PLEKHG1: variants seen among roughly 807,000 people sequenced by gnomAD.
PLEKHG1 encodes the protein pleckstrin homology and RhoGEF domain containing G1, also known as pleckstrin homology domain-containing family G member 1.
In PLEKHG1, 44 loss-of-function variants were observed where a neutral mutation model predicts 100.8. The ratio of observed to expected loss-of-function variants is 0.44; its 90% CI spans 0.34 to 0.56. The LOEUF is 0.56. Among genes scored for constraint, PLEKHG1 ranks in the 20% least tolerant of loss-of-function variants. The pLI, the probability that PLEKHG1 is intolerant of heterozygous loss-of-function variation, is 0.01. For missense variants in PLEKHG1, 1,545 were observed against 1,720.9 expected (o/e 0.90, Z 1.81); for synonymous variants, 640 against 662.5 (o/e 0.97, Z 0.52).
At chr6:150,812,242 C>G (rs1264500259) in intron 10 of PLEKHG1, among the ~76,000 whole-genome samples, 1 of 152,106 alleles carries the variant, frequency 6.6e-6, no homozygotes, top group South Asian at 2.1e-4. Flanking sequence ...GAGACTCTTG[C>G]TAGAGGCAGT....
At chr6:150,642,308 A>ACT (rs1778303945) in intron 2 of PLEKHG1, among the ~76,000 whole-genome samples, 1 of 152,120 alleles carries the variant, frequency 6.6e-6, no homozygotes, top group Admixed American at 6.6e-5. Flanking sequence ...AAGCTCTTGA[A>ACT]CTCTATAAAA....
Position 150,794,464 on chromosome 6 carries a change from G to C in PLEKHG1, c.583-1392G>C, listed in dbSNP as rs189157443. Among the ~76,000 whole-genome samples the C allele has an allele frequency of 1.3e-3, 194 of 152,104 alleles. 1 individual carries two copies. Among genetic ancestry groups the C allele is most frequent in the African/African-American group, 4.6e-3 (189 of 41,508 alleles). ...GTGGATCACTTGAGGCCAGGAGTTC[G>C]AGACCAGCCTGACCAACATGGCGAA... is the stretch of plus-strand genomic sequence containing the variant. On this transcript the variant is annotated intron_variant, in intron 4 of 15. Coordinates refer to ENST00000358517, the Ensembl canonical transcript of PLEKHG1.
At chr6:150,790,194 T>A (rs1293655007) in intron 4 of PLEKHG1, among the ~76,000 whole-genome samples, 1 of 152,042 alleles carries the variant, frequency 6.6e-6, no homozygotes, top group Non-Finnish European at 1.5e-5. Flanking sequence ...GCTAATTTTG[T>A]ATTTATTTTT....
chr6:150,768,792 C>A (rs917011220), intron 3 of PLEKHG1, 54 bp downstream of exon 4: 13 of 1,019,530 alleles, frequency 1.3e-5, no homozygotes, highest in East Asian at 2.5e-5. Flanking sequence ...GAAAATTTCT[C>A]AAATGAATGC....
chr6:150,816,365 A>C (rs1775958817), intron 10 of PLEKHG1, among the ~76,000 whole-genome samples: 1 of 53,206 alleles, frequency 1.9e-5, no homozygotes, highest in African/African-American at 5.9e-5. Flanking sequence ...TTTGAGATGG[A>C]GTCTCATTCT....
chr6:150,754,609 G>T (rs373387513), intron 2 of PLEKHG1, among the ~76,000 whole-genome samples: 2 of 152,008 alleles, frequency 1.3e-5, no homozygotes, highest in East Asian at 3.9e-4. Flanking sequence ...TGTTGTTTGG[G>T]TGGTCACAGC....
chr6:150,828,090 G>A (rs1413403182), intron 14 of PLEKHG1: 2 of 1,612,866 alleles, frequency 1.2e-6, no homozygotes, highest in African/African-American at 2.7e-5. Context: ...GAAGTTTCCT[G>A]ATGTCAAATT....
chr6:150,678,816 C>G (rs1017816169), intron 3 of PLEKHG1, among the ~76,000 whole-genome samples: 2 of 152,064 alleles, frequency 1.3e-5, no homozygotes, highest in Non-Finnish European at 2.9e-5. Flanking sequence ...CAATCATGAG[C>G]AAATGAATAT....
At chr6:150,760,574 C>A (rs1255830799) in intron 2 of PLEKHG1, among the ~76,000 whole-genome samples, 1 of 149,906 alleles carries the variant, frequency 6.7e-6, no homozygotes, top group Non-Finnish European at 1.5e-5. Flanking sequence ...AATACATAGT[C>A]TTCGAAGACT....
intron 1 of PLEKHG1, among the ~76,000 whole-genome samples, chr6:150,601,979 A>G (rs3050): frequency 0.81 from 123,131 of 152,162 alleles, 49,880 homozygotes; most frequent in Admixed American, 0.85. Flanking sequence ...AGTTCAAAGA[A>G]GTTAAATGAT....
intron 3 of PLEKHG1, among the ~76,000 whole-genome samples, chr6:150,690,825 G>C (rs568934713): frequency 6.6e-6 from 1 of 152,124 alleles, no homozygotes; most frequent in African/African-American, 2.4e-5. Context: ...GGTTATTTTC[G>C]TGCCTGTGTG....
intron 3 of PLEKHG1, among the ~76,000 whole-genome samples, chr6:150,666,641 C>A (rs1193114810): frequency 1.3e-5 from 2 of 152,246 alleles, no homozygotes; most frequent in African/African-American, 4.8e-5. Context: ...AAATTGCAGT[C>A]TGGAGAGAGC....
intron 2 of PLEKHG1, among the ~76,000 whole-genome samples, chr6:150,759,919 G>A (rs1347344115): frequency 1.3e-5 from 2 of 152,068 alleles, no homozygotes; most frequent in African/African-American, 4.8e-5. Flanking sequence ...ATTGCTTAAG[G>A]CAGGATTTCC....
intron 2 of PLEKHG1, among the ~76,000 whole-genome samples, chr6:150,746,799 T>C (rs1783188218): frequency 6.6e-6 from 1 of 152,182 alleles, no homozygotes; most frequent in African/African-American, 2.4e-5. Flanking sequence ...TCAGAGTGAG[T>C]GCATTAAAGG....
intron 3 of PLEKHG1, among the ~76,000 whole-genome samples, chr6:150,653,725 G>C (rs2172328): frequency 0.12 from 18,857 of 151,958 alleles, 1,286 homozygotes; most frequent in East Asian, 0.26. Context: ...TCCAGCCTGG[G>C]TGACAGAGTG....
At chr6:150,823,048 G>A (rs142983765) in intron 13 of PLEKHG1, among the ~76,000 whole-genome samples, 45 of 152,306 alleles carry the variant, frequency 3.0e-4, no homozygotes, top group African/African-American at 8.9e-4. Flanking sequence ...GAGCTGGAAC[G>A]ATAAACATTC....
chr6:150,738,570 A>G (rs1358331382), intron 2 of PLEKHG1, among the ~76,000 whole-genome samples: 1 of 152,168 alleles, frequency 6.6e-6, no homozygotes, highest in Non-Finnish European at 1.5e-5. Context: ...ATATTTAGGT[A>G]TCTTTCTTTC....
intron 2 of PLEKHG1, among the ~76,000 whole-genome samples, chr6:150,650,349 A>C (rs1778678604): frequency 6.6e-6 from 1 of 152,078 alleles, no homozygotes; most frequent in Non-Finnish European, 1.5e-5. Flanking sequence ...GTTGGGGGAA[A>C]TTCTTCCTGG....
At chr6:150,790,290 G>A (rs904236437) in intron 4 of PLEKHG1, among the ~76,000 whole-genome samples, 2 of 152,198 alleles carry the variant, frequency 1.3e-5, no homozygotes, top group Non-Finnish European at 2.9e-5. Context: ...GCCTCCCAAA[G>A]TGCTGGGATT....
Sources: allele counts gnomAD v4.1 joint callset (sites outside exome capture counted in the v4.1 genomes callset), GRCh38; gene constraint gnomAD v4.1.1; transcripts MANE v1.5; gene names NCBI Gene and HGNC (gene_info 2026-07-23, HGNC 2026-07-21).